FAM20C: variants seen among roughly 807,000 people sequenced by gnomAD.
The protein encoded by FAM20C is extracellular serine/threonine protein kinase FAM20C.
A neutral mutation model predicts 51.5 loss-of-function variants in FAM20C; 40 were observed. The observed-to-expected ratio is 0.78, with a 90% CI of 0.60 to 1.01. The LOEUF (loss-of-function observed/expected upper bound fraction) is 1.01. Ranked by LOEUF, FAM20C falls within the 50% of genes least tolerant of loss-of-function variation. The pLI is 0.00. For missense variants in FAM20C, 861 were observed against 844.7 expected (o/e 1.02, Z -0.24); for synonymous variants, 406 against 380.6 (o/e 1.07, Z -0.78).
At chr7:208,844 A>G in intron 2 of FAM20C, 54 bp from the exon 3 acceptor site, 1 of 1,531,594 alleles carries the variant, frequency 6.5e-7, no homozygotes, top group East Asian at 2.5e-5. Context: ...CGCACAGGAG[A>G]AGAAGGGGCG....
chr7:231,495 C>T (rs1787680726), intron 3 of FAM20C, among the ~76,000 whole-genome samples: 4 of 151,174 alleles, frequency 2.6e-5, no homozygotes, highest in Non-Finnish European at 5.9e-5. Flanking sequence ...AGGGTCCCGG[C>T]GTCGAGGGCC....
At position 205,751 on chromosome 7, in the gene FAM20C, T is replaced by C. The variant is rs549961116; in HGVS notation, c.785-3147T>C. 6.0e-3 allele frequency among the ~76,000 whole-genome samples: 907 copies of C among 152,236 alleles called. 2 individuals are homozygous for C. The highest frequency in any genetic ancestry group is 9.5e-3 in the Non-Finnish European group (649 of 68,002). ...GAAGCCCTGTGGATGGTGGGGACTC[T>C]GCTTTCTCGTCTGCGCCCTCCCCCG... On this transcript the variant is annotated intron_variant, in intron 2 of 9. Transcript: ENST00000313766.
chr7:221,016 T>C (rs28546214), intron 3 of FAM20C, among the ~76,000 whole-genome samples: 4,196 of 36,732 alleles, frequency 0.11, 118 homozygotes, highest in South Asian at 0.19. Flanking sequence ...CAGGAGCCGT[T>C]CTTAGCATCT....
Position 193,531 on chromosome 7 carries a change from C to T in FAM20C, c.332C>T (p.Pro111Leu), listed in dbSNP as rs1383109685. The T allele has an allele frequency of 2.7e-6, 4 of 1,496,158 alleles. No individual in the cohort carries two copies. Among genetic ancestry groups the T allele is most frequent in the Middle Eastern group, 1.8e-4 (1 of 5,700 alleles). The allele number at this position is 1,496,158 out of a possible 1,614,324, so 92.7% of individuals were successfully genotyped here. A position where few individuals can be genotyped will look rare whatever the true frequency, so the allele number is the denominator to read the frequency against. ...TCGTCCCACTCGCTGGAGAAACTGC[C>T]GCCCGCGGCCGAGCCGGCCGAGCGC... ...NLSSHSLEKLPPAAEPAERAL... is the reference protein window; with the variant it reads ...NLSSHSLEKLLPAAEPAERAL... The change falls in exon 1 of 10, where the codon CCG becomes CTG. Residue 111 changes from proline (P) to leucine (L), a missense_variant. Pro to Leu is a moderately conservative substitution (Grantham distance 98, BLOSUM62 -3). Around this residue, in one of 3 missense-constraint regions of FAM20C, gnomAD observed 561 missense variants for 499.8 expected, o/e 1.12. Coordinates refer to ENST00000313766, the MANE Select transcript of FAM20C (RefSeq NM_020223.4).
chr7:259,959 C>T lies in FAM20C; in HGVS notation c.1734C>T (p.His578=), dbSNP rs1788816940. 1.3e-6 allele frequency: 2 copies of T among 1,520,966 alleles called. No homozygotes were observed. Among genetic ancestry groups the T allele is most frequent in the Admixed American group, 3.9e-5 (2 of 50,680 alleles). The allele number at this position is 1,520,966 out of a possible 1,614,324, so 94.2% of individuals were successfully genotyped here. The change falls in exon 10 of 10, where the codon CAC becomes CAT. Residue 578 remains histidine, a synonymous_variant. Coordinates refer to ENST00000313766, the MANE Select transcript of FAM20C (RefSeq NM_020223.4). ...SVVDDDLDTE[H]RAASAR is the part of the protein sequence containing the mutation. ...TGGATGACGACCTGGACACTGAGCA[C>T]AGAGCCGCCTCGGCGAGGTAGTGTC...
intron 2 of FAM20C, among the ~76,000 whole-genome samples, chr7:205,476 G>T (rs1397297754): frequency 6.6e-6 from 1 of 152,182 alleles, no homozygotes; most frequent in African/African-American, 2.4e-5. Flanking sequence ...TCGGCCTCGA[G>T]CAAGCCTCCT....
chr7:257,834 G>C (rs1236179228), intron 8 of FAM20C, among the ~76,000 whole-genome samples: 31 of 119,934 alleles, frequency 2.6e-4, no homozygotes, highest in African/African-American at 4.5e-4. Context: ...CTGGAGATGG[G>C]CAGGGTGGAC....
intron 5 of FAM20C, among the ~76,000 whole-genome samples, chr7:251,258 A>T (rs1788393609): frequency 8.8e-6 from 1 of 113,932 alleles, no homozygotes; most frequent in East Asian, 2.9e-4. Flanking sequence ...GTGGCCGGGC[A>T]CGGTGGCTCA....
rs36169308 is a variant in FAM20C at position 256,461 on chromosome 7, A to G, written c.1254-193A>G. On this transcript the variant is annotated intron_variant, in intron 6 of 9. Coordinates refer to ENST00000313766, the MANE Select transcript of FAM20C (RefSeq NM_020223.4). ...GGCAGCTCCAGGTGGGGTCACCCCG[A>G]GGCAGGGCAGAGCGGCTCCGTCCCC... 326,551 of 604,608 alleles carry G rather than the reference A, an allele frequency of 0.54. 89,844 individuals are homozygous for G. The highest frequency in any genetic ancestry group is 0.69 in the African/African-American group (37,471 of 54,018). 37.5% of individuals were successfully genotyped at this position (604,608 alleles called of 1,614,324 possible).
At chr7:211,188 CCT>C (rs768918847) in intron 3 of FAM20C, among the ~76,000 whole-genome samples, 15,358 of 141,672 alleles carry the variant, frequency 0.11, 1,210 homozygotes, top group African/African-American at 0.19. Context: ...CCCCAACCTC[CCT>C]CAGCCTCCTC....
chr7:216,455 G>A (rs922046851), intron 3 of FAM20C, among the ~76,000 whole-genome samples: 2 of 151,564 alleles, frequency 1.3e-5, no homozygotes, highest in African/African-American at 4.9e-5. Context: ...GGGCTGGGTG[G>A]GGAGCAGGGC....
intron 3 of FAM20C, among the ~76,000 whole-genome samples, chr7:224,410 T>A (rs182164044): frequency 2.0e-4 from 3 of 14,812 alleles, no homozygotes; most frequent in African/African-American, 6.4e-4. Flanking sequence ...CTTCTCTCAC[T>A]GAGCAGAACG....
chr7:258,788 C>T (rs1168739124), intron 9 of FAM20C, 83 bp downstream of exon 9: 6 of 1,300,372 alleles, frequency 4.6e-6, no homozygotes, highest in South Asian at 2.9e-5. Flanking sequence ...CCTTCCCCAC[C>T]CCACCCCGGC....
At chr7:213,273 G>A (rs140617624) in intron 3 of FAM20C, among the ~76,000 whole-genome samples, 2 of 152,018 alleles carry the variant, frequency 1.3e-5, no homozygotes, top group East Asian at 3.9e-4. Flanking sequence ...CTTTGTGAGT[G>A]ACATGGAGGG....
intron 1 of FAM20C, 101 bp downstream of exon 1, chr7:193,905 A>T (rs976731241): frequency 1.4e-6 from 2 of 1,411,424 alleles, no homozygotes; most frequent in Admixed American, 2.7e-5. Flanking sequence ...CCCATGGAAG[A>T]GGCCGGGCAG....
chr7:256,818 T>C (rs964164814), intron 7 of FAM20C, 55 bp downstream of exon 7: 22 of 1,496,618 alleles, frequency 1.5e-5, no homozygotes, highest in Middle Eastern at 1.8e-4. Context: ...GTGGAGCGGA[T>C]GCACGCAGGG....
rs149876791 is a variant in FAM20C at position 232,022 on chromosome 7, C to A, written c.864-14393C>A. Among the ~76,000 whole-genome samples, 276 of 152,328 alleles carry A rather than the reference C, an allele frequency of 1.8e-3. 1 individual carries two copies. The highest frequency in any genetic ancestry group is 3.4e-3 in the Non-Finnish European group (234 of 68,034). On this transcript the variant is annotated intron_variant, in intron 3 of 9. Transcript: ENST00000313766. ...GCCGACCCGGCATCCGTTCCGTCGGCCTCGTCGGGCTGTCCCTGCTTTGTG... is the reference window on the plus strand; with the variant it reads ...GCCGACCCGGCATCCGTTCCGTCGGACTCGTCGGGCTGTCCCTGCTTTGTG...
At chr7:245,785 T>C (rs1178617192) in intron 3 of FAM20C, 1 of 152,306 alleles carries the variant, frequency 6.6e-6, no homozygotes, top group Non-Finnish European at 1.5e-5. Flanking sequence ...GTTTACAGAA[T>C]GGCACTGACC....
At chr7:253,992 C>T (rs1788500078) in intron 5 of FAM20C, among the ~76,000 whole-genome samples, 1 of 152,210 alleles carries the variant, frequency 6.6e-6, no homozygotes, top group South Asian at 2.1e-4. Context: ...CAGCACGAGA[C>T]AGGATTGCAG....
Sources: allele counts gnomAD v4.1 joint callset (sites outside exome capture counted in the v4.1 genomes callset), GRCh38; gene constraint gnomAD v4.1.1; regional missense constraint gnomAD v4.1.1; transcripts MANE v1.5; gene names NCBI Gene and HGNC (gene_info 2026-07-23, HGNC 2026-07-21).